Variants in CDK5RAP1 observed in about 807,000 individuals in gnomAD.
The protein encoded by CDK5RAP1 is mitochondrial tRNA methylthiotransferase CDK5RAP1.
Under a neutral mutation model 64.5 loss-of-function variants are expected in CDK5RAP1, and 62 were observed. The ratio of observed to expected loss-of-function variants is 0.96; its 90% CI spans 0.78 to 1.19. The LOEUF (loss-of-function observed/expected upper bound fraction) is 1.19, where lower values mean the gene tolerates loss of function less well. CDK5RAP1 is among the 50% of genes most tolerant of loss of function. CDK5RAP1 has a pLI of 0.00. For missense variants in CDK5RAP1, 657 were observed against 735.0 expected (o/e 0.89, Z 1.23); for synonymous variants, 250 against 261.9 (o/e 0.95, Z 0.44).
intron 12 of CDK5RAP1, among the ~76,000 whole-genome samples, chr20:33,365,923 GA>G (rs1983839813): frequency 2.0e-5 from 3 of 152,194 alleles, no homozygotes. Flanking sequence ...CTGGAGGAAA[GA>G]AAGTCTCCTC....
In CDK5RAP1 at chr20:33,396,964, C is replaced by T; in HGVS notation, c.101G>A (p.Ser34Asn). 2 of 1,614,098 alleles carry T rather than the reference C, an allele frequency of 1.2e-6. No homozygotes were observed. The highest frequency in any genetic ancestry group is 1.7e-6 in the Non-Finnish European group (2 of 1,179,952). Residue 34 changes from serine to asparagine, a missense_variant, in exon 2 of 14, where the codon AGC (serine) becomes AAC (asparagine). By Grantham distance (46) the Ser-to-Asn change is conservative. Coordinates refer to ENST00000346416, the MANE Select transcript of CDK5RAP1 (RefSeq NM_016408.4). ...GGGACACATGGTACTAGAGAGACTG[C>T]TGTGTGCCCTGCACATCCTCAGCGA... The part of the protein sequence containing the change: ...WLSLRMCRAH[S>N]SLSSTMCPSP...
chr20:33,378,435 A>G (rs1237223423), intron 8 of CDK5RAP1, among the ~76,000 whole-genome samples: 1 of 152,248 alleles, frequency 6.6e-6, no homozygotes, highest in Non-Finnish European at 1.5e-5. Flanking sequence ...AACAGATGTA[A>G]TAATAATGAA....
intron 11 of CDK5RAP1, among the ~76,000 whole-genome samples, chr20:33,367,575 T>C (rs1480770086): frequency 6.6e-6 from 1 of 152,148 alleles, no homozygotes; most frequent in Non-Finnish European, 1.5e-5. Context: ...ACACGAAATA[T>C]GCCCAGAAAG....
chr20:33,389,383 C>T (rs903169180), intron 5 of CDK5RAP1, among the ~76,000 whole-genome samples: 132 of 151,836 alleles, frequency 8.7e-4, no homozygotes, highest in Middle Eastern at 6.9e-3. Flanking sequence ...AGCCCCTCCG[C>T]GCGGCAGCCG....
At chr20:33,382,226 G>C (rs1401436590) in intron 7 of CDK5RAP1, among the ~76,000 whole-genome samples, 1 of 152,020 alleles carries the variant, frequency 6.6e-6, no homozygotes, top group East Asian at 1.9e-4. Flanking sequence ...TTAAAAAGTA[G>C]GATATAAAAC....
intron 7 of CDK5RAP1, 97 bp downstream of exon 7, chr20:33,385,553 T>C (rs770358749): frequency 6.9e-7 from 1 of 1,442,274 alleles, no homozygotes; most frequent in East Asian, 2.3e-5. Context: ...GTCCTAAACT[T>C]TAATAAGTCA....
chr20:33,363,700 C>A (rs1194373101), intron 12 of CDK5RAP1, among the ~76,000 whole-genome samples: 1 of 151,892 alleles, frequency 6.6e-6, no homozygotes, highest in African/African-American at 2.4e-5. Flanking sequence ...GAGTCTGAGA[C>A]CAACCTGGGC....
chr20:33,378,713 G>C (rs772065322), intron 8 of CDK5RAP1, among the ~76,000 whole-genome samples: 1 of 152,056 alleles, frequency 6.6e-6, no homozygotes, highest in Non-Finnish European at 1.5e-5. Flanking sequence ...TCACATGCTC[G>C]CTGGTAAAAC....
chr20:33,377,500 T>C (rs1357443987), intron 8 of CDK5RAP1, among the ~76,000 whole-genome samples: 3 of 152,196 alleles, frequency 2.0e-5, no homozygotes, highest in African/African-American at 7.2e-5. Flanking sequence ...CTCACCTCTC[T>C]TGGGCTTCAG....
chr20:33,366,647 C>T lies in CDK5RAP1; in HGVS notation c.1542+212G>A, dbSNP rs1361552330. Among the ~76,000 whole-genome samples the T allele has an allele frequency of 2.0e-5, 3 of 152,078 alleles. No homozygotes were observed. In the East Asian group the frequency reaches 5.8e-4, roughly 29 times the overall value. ...AAGAAATACTTAGGTGTAAATCTAA[C>T]AAAACATGGACAAAATCTGTATACT... On this transcript the variant is annotated intron_variant, in intron 12 of 13. Transcript: ENST00000346416.
chr20:33,387,272 A>T (rs191851389), intron 6 of CDK5RAP1, 51 bp downstream of exon 6: 3 of 1,364,692 alleles, frequency 2.2e-6, no homozygotes, highest in Non-Finnish European at 3.1e-6. Flanking sequence ...AAAAAAAAAA[A>T]GTGTGAAAGG....
rs746727508 is a variant in CDK5RAP1, at chr20:33,367,021, A to T, written c.1393-13T>A. 20 of 1,597,556 alleles carry T rather than the reference A, an allele frequency of 1.3e-5. No individual in the cohort carries two copies. Among genetic ancestry groups the T allele is most frequent in the Admixed American group, 3.6e-5 (2 of 54,966 alleles). On this transcript the variant is annotated splice_polypyrimidine_tract_variant and intron_variant, in intron 11 of 13. Transcript: ENST00000346416. Reference sequence around the variant, plus strand: ...ATGCCCGTGTCTTCTATTAAAAAAAAAAAAAAGAGAGAAGATGGAGGTCAC... The same window carrying T: ...ATGCCCGTGTCTTCTATTAAAAAAATAAAAAAGAGAGAAGATGGAGGTCAC...
chr20:33,388,992 C>T (rs905737649), intron 5 of CDK5RAP1, among the ~76,000 whole-genome samples: 2 of 152,180 alleles, frequency 1.3e-5, no homozygotes, highest in African/African-American at 4.8e-5. Flanking sequence ...ACCTCCCAGC[C>T]GCCTGCCTTG....
chr20:33,392,306 G>T, intron 4 of CDK5RAP1, 64 bp from the exon 5 acceptor site: 1 of 950,040 alleles, frequency 1.1e-6, no homozygotes, highest in South Asian at 1.8e-5. Flanking sequence ...TAAGAGAGTA[G>T]GTCAGTGGGA....
At chr20:33,371,129 C>CA (rs761552645) in intron 10 of CDK5RAP1, among the ~76,000 whole-genome samples, 2 of 151,576 alleles carry the variant, frequency 1.3e-5, no homozygotes, top group Non-Finnish European at 2.9e-5. Flanking sequence ...CCCATCTCTA[C>CA]AAAAAATACA....
intron 3 of CDK5RAP1, 128 bp from the exon 4 acceptor site, chr20:33,394,194 C>G (rs774039142): frequency 9.8e-6 from 6 of 614,540 alleles, no homozygotes; most frequent in Non-Finnish European, 1.7e-5. Flanking sequence ...GAGTCTCACT[C>G]TGTTTCCCAG....
At chr20:33,369,584 C>T (rs982130759) in intron 11 of CDK5RAP1, among the ~76,000 whole-genome samples, 2 of 152,090 alleles carry the variant, frequency 1.3e-5, no homozygotes, top group Non-Finnish European at 2.9e-5. Flanking sequence ...CATACATTGG[C>T]ACAGTTACGC....
intron 5 of CDK5RAP1, among the ~76,000 whole-genome samples, chr20:33,389,510 CG>C (rs1050949108): frequency 1.8e-4 from 28 of 151,672 alleles, no homozygotes; most frequent in African/African-American, 6.5e-4. Flanking sequence ...AGCCCCCGCC[CG>C]GCCAGCCGAC....
At chr20:33,372,830 A>T in intron 9 of CDK5RAP1, 133 bp from the exon 10 acceptor site, 1 of 592,018 alleles carries the variant, frequency 1.7e-6, no homozygotes, top group Non-Finnish European at 3.0e-6. Context: ...GAGTAAATTA[A>T]AGTATCCAAA....
Sources: gnomAD v4.1 joint callset for allele counts (sites outside exome capture counted in the v4.1 genomes callset) on GRCh38, gnomAD v4.1.1 for gene constraint, MANE v1.5 for transcripts, NCBI Gene and HGNC (gene_info 2026-07-23, HGNC 2026-07-21) for gene names.